Variants in OPN5 observed in about 807,000 individuals in gnomAD.
The protein encoded by OPN5 is opsin 5, also known as opsin-5.
A neutral mutation model predicts 41.7 loss-of-function variants in OPN5; 18 were observed. The observed-to-expected ratio is 0.43, with a 90% CI of 0.30 to 0.64. The LOEUF (loss-of-function observed/expected upper bound fraction) is 0.64, where lower values mean the gene tolerates loss of function less well. Ranked by LOEUF, OPN5 falls within the 30% of genes least tolerant of loss-of-function variation. The probability of loss-of-function intolerance (pLI) is 0.13; values close to 1 mark genes in which losing one functional copy is unlikely to be tolerated. For synonymous variants in OPN5, 178 were observed against 164.3 expected (o/e 1.08, Z -0.64); for missense variants, 318 against 434.5 (o/e 0.73, Z 2.38).
chr6:47,823,952 A>C, intron 6 of OPN5, 31 bp from the exon 7 acceptor site: 1 of 1,538,440 alleles, frequency 6.5e-7, no homozygotes, highest in Non-Finnish European at 8.8e-7. Context: ...TGTGTGCCTC[A>C]CCCTAAAACT....
chr6:47,824,462 T>C, exon 7 of OPN5: 1 of 163,814 alleles, frequency 6.1e-6, no homozygotes, highest in East Asian at 1.7e-4. Context: ...TTTTTATGAC[T>C]GGCAAAGCAG....
At chr6:47,799,288 A>G (rs1342880113) in intron 4 of OPN5, among the ~76,000 whole-genome samples, 7 of 152,056 alleles carry the variant, frequency 4.6e-5, no homozygotes, top group Middle Eastern at 3.4e-3. Context: ...TCTATGACTC[A>G]GCATAAGCTC....
At chr6:47,825,154 A>G (rs1762755447), downstream of OPN5, 1 of 152,362 alleles carries the variant, frequency 6.6e-6, no homozygotes, top group South Asian at 2.1e-4. Flanking sequence ...CATAAACACA[A>G]ATCTTGGTGA....
exon 4 of OPN5, chr6:47,795,481 A>G (rs749103254): frequency 8.7e-6 from 14 of 1,614,124 alleles, no homozygotes; most frequent in Non-Finnish European, 1.2e-5. Context: ...ATCATTGCCA[A>G]GGTTAAGTCC....
At chr6:47,806,488 C>T (rs1418810534) in intron 4 of OPN5, among the ~76,000 whole-genome samples, 2 of 152,172 alleles carry the variant, frequency 1.3e-5, no homozygotes, top group African/African-American at 4.8e-5. Context: ...ATTGCTTTAT[C>T]CTTCACACAA....
chr6:47,792,982 GTTT>G (rs11409547), intron 3 of OPN5, among the ~76,000 whole-genome samples: 7 of 138,084 alleles, frequency 5.1e-5, no homozygotes, highest in Admixed American at 1.4e-4. Flanking sequence ...CCAGCACTAC[GTTT>G]TTTTTTTTTT....
intron 3 of OPN5, 25 bp downstream of exon 3, chr6:47,791,997 C>T: frequency 1.3e-6 from 2 of 1,582,166 alleles, no homozygotes; most frequent in Non-Finnish European, 8.7e-7. Flanking sequence ...TTCTCATTCC[C>T]TGACAGTTAA....
Position 47,802,525 on chromosome 6 carries a change from C to T in OPN5, c.757-5629C>T, listed in dbSNP as rs57430771. Among the ~76,000 whole-genome samples, 450 of 152,250 alleles carry T rather than the reference C, an allele frequency of 3.0e-3. 3 individuals are homozygous for T. The highest frequency in any genetic ancestry group is 0.01 in the African/African-American group (432 of 41,546). The stretch of plus-strand genomic sequence containing the variant: ...GTGGAGGAAGAGAATGAAATGATAT[C>T]TCAGTTACCTTCTAAACTCTGCATG... On this transcript the variant is annotated intron_variant, in intron 4 of 6. Coordinates refer to ENST00000371211, the Ensembl canonical transcript of OPN5.
chr6:47,818,666 G>A (rs185976119), intron 6 of OPN5, among the ~76,000 whole-genome samples: 153 of 152,286 alleles, frequency 1.0e-3, no homozygotes, highest in Non-Finnish European at 1.8e-3. Context: ...AGCATGGGAA[G>A]GTGTTCCAAG....
chr6:47,795,764 T>TCTCC (rs771498722), intron 4 of OPN5, among the ~76,000 whole-genome samples: 62 of 98,654 alleles, frequency 6.3e-4, no homozygotes, highest in Middle Eastern at 5.1e-3. Flanking sequence ...TTCTCTCTTC[T>TCTCC]CTCTCTCTCT....
intron 5 of OPN5, among the ~76,000 whole-genome samples, chr6:47,809,241 T>C (rs1042165118): frequency 6.6e-6 from 1 of 152,176 alleles, no homozygotes; most frequent in African/African-American, 2.4e-5. Context: ...AGATGGCCCC[T>C]GGTCTCAGTG....
At chr6:47,800,466 A>C (rs956595261) in intron 4 of OPN5, among the ~76,000 whole-genome samples, 3 of 152,124 alleles carry the variant, frequency 2.0e-5, no homozygotes, top group Non-Finnish European at 4.4e-5. Flanking sequence ...CATGCAAAAA[A>C]CTTGAAAAGA....
chr6:47,823,889 G>A, intron 6 of OPN5, 94 bp from the exon 7 acceptor site: 1 of 848,792 alleles, frequency 1.2e-6, no homozygotes, highest in Admixed American at 2.0e-5. Context: ...TGGTGTGTGT[G>A]TGTGGTATGT....
chr6:47,798,613 T>G (rs1773655606), intron 4 of OPN5, among the ~76,000 whole-genome samples: 1 of 151,174 alleles, frequency 6.6e-6, no homozygotes, highest in Non-Finnish European at 1.5e-5. Context: ...TATATTTCAT[T>G]TATTTATATA....
chr6:47,799,449 C>A (rs1000493010), intron 4 of OPN5, among the ~76,000 whole-genome samples: 1 of 152,082 alleles, frequency 6.6e-6, no homozygotes, highest in Non-Finnish European at 1.5e-5. Context: ...GGGTTGGGGA[C>A]TCTTGGTCTG....
chr6:47,825,737 TC>T (rs945519312), downstream of OPN5: 1 of 152,162 alleles, frequency 6.6e-6, no homozygotes, highest in Non-Finnish European at 1.5e-5. Flanking sequence ...TAATTTCTAT[TC>T]CCCTATTTTT....
At position 47,814,394 on chromosome 6, in the gene OPN5, A is replaced by G. The variant is rs373038815; in HGVS notation, c.1056+2663A>G. Among the ~76,000 whole-genome samples, 331 of 152,304 alleles carry G rather than the reference A, an allele frequency of 2.2e-3. 1 individual carries two copies. Among genetic ancestry groups the G allele is most frequent in the African/African-American group, 7.4e-3 (307 of 41,566 alleles). ...AGAATATGGTCTTTAACATGGCTTT[A>G]TAAATGCATGTATAAGAAAAATTAG... On this transcript the variant is annotated intron_variant, in intron 6 of 6. Coordinates refer to ENST00000371211, the Ensembl canonical transcript of OPN5.
intron 4 of OPN5, among the ~76,000 whole-genome samples, chr6:47,806,698 C>A (rs1213549185): frequency 6.6e-6 from 1 of 152,186 alleles, no homozygotes; most frequent in Admixed American, 6.5e-5. Context: ...CCATACAAAA[C>A]CCTGAATCTT....
At chr6:47,784,235 T>C (rs1429862018) in intron 1 of OPN5, among the ~76,000 whole-genome samples, 2 of 151,956 alleles carry the variant, frequency 1.3e-5, no homozygotes, top group Non-Finnish European at 2.9e-5. Flanking sequence ...TAGATCCACT[T>C]CTTGGACTTG....
Sources: allele counts gnomAD v4.1 joint callset (sites outside exome capture counted in the v4.1 genomes callset), GRCh38; gene constraint gnomAD v4.1.1; transcripts MANE v1.5; gene names NCBI Gene and HGNC (gene_info 2026-07-23, HGNC 2026-07-21).